Variants in BICDL2 observed in about 807,000 individuals in gnomAD.
BICDL2 encodes BICD family like cargo adaptor 2, also known as BICD family-like cargo adapter 2.
In BICDL2, 62 loss-of-function variants were observed where a neutral mutation model predicts 56.6. The ratio of observed to expected loss-of-function variants is 1.10; its 90% CI spans 0.89 to 1.35. The LOEUF is 1.35. Among genes scored for constraint, BICDL2 ranks in the 40% most tolerant of loss-of-function variants. The pLI is 0.00. For missense variants in BICDL2, 808 were observed against 684.5 expected, an observed-to-expected ratio of 1.18 and a Z score of -2.01; for synonymous variants, 358 against 319.8, an observed-to-expected ratio of 1.12 and a Z score of -1.27.
In BICDL2 at chr16:3,028,397, C is replaced by T. The variant is rs1486113118; in HGVS notation, c.1310G>A (p.Arg437His). 2 of 1,552,508 alleles carry T rather than the reference C, an allele frequency of 1.3e-6. No homozygotes were observed. The highest frequency in any genetic ancestry group is 1.9e-5 in the Admixed American group (1 of 52,830). The change falls in exon 9 of 10, where the codon CGC becomes CAC. Residue 437 changes from arginine to histidine, a missense_variant. Physicochemically the swap from Arg to His is conservative, Grantham distance 29. Coordinates refer to ENST00000572449, the MANE Select transcript of BICDL2 (RefSeq NM_001369667.1). ...ERDSLSRELL[R>H]AIRQKVALTQ... Reference sequence around the variant, plus strand: ...GAGCGCCACCTTCTGGCGGATGGCGCGCAGCAGCTCCCGAGACAGGGAGTC... The same window carrying T: ...GAGCGCCACCTTCTGGCGGATGGCGTGCAGCAGCTCCCGAGACAGGGAGTC...
rs1567419279 is a variant in BICDL2 at position 3,028,370 on chromosome 16, G to GTGA, written c.1334_1336dup (p.Leu445_Thr446insIle). 6.4e-7 allele frequency: 1 copy of GTGA among 1,550,660 alleles called. No individual in the cohort carries two copies. The highest frequency in any genetic ancestry group is 8.6e-7 in the Non-Finnish European group (1 of 1,156,180). The stretch of plus-strand genomic sequence containing the variant: ...CACCTGCCAGGCCTCCAGCTCCTGC[G>GTGA]TGAGCGCCACCTTCTGGCGGATGGC... On this transcript the variant is annotated inframe_insertion, in exon 9 of 10. Coordinates refer to ENST00000572449, the MANE Select transcript of BICDL2 (RefSeq NM_001369667.1).
At chr16:3,034,119 A>G (rs954865265) in intron 2 of BICDL2, among the ~76,000 whole-genome samples, 1 of 152,306 alleles carries the variant, frequency 6.6e-6, no homozygotes, top group East Asian at 1.9e-4. Flanking sequence ...GCAAGAATCA[A>G]TGGAGAGTCA....
chr16:3,031,385 G>T (rs1026940847), intron 2 of BICDL2: 3 of 573,790 alleles, frequency 5.2e-6, no homozygotes, highest in African/African-American at 1.9e-5. Context: ...GGGTTGGGGT[G>T]GGGGGATCTC....
intron 5 of BICDL2, chr16:3,030,159 C>T: frequency 2.0e-6 from 1 of 489,740 alleles, no homozygotes; most frequent in Non-Finnish European, 3.6e-6. Context: ...ATTTCTTTTT[C>T]TCCGTCTCCA....
intron 1 of BICDL2, chr16:3,036,024 C>T: frequency 3.1e-6 from 1 of 324,712 alleles, no homozygotes; most frequent in Non-Finnish European, 6.0e-6. Context: ...AAGCCCAGAT[C>T]CCAGCCCCTG....
chr16:3,032,846 G>C (rs935951412), intron 2 of BICDL2: 2 of 152,202 alleles, frequency 1.3e-5, no homozygotes, highest in African/African-American at 2.4e-5. Flanking sequence ...GCTGTGATGA[G>C]GTCGGGGAGG....
Position 3,031,087 on chromosome 16 carries a change from C to A in BICDL2, c.346G>T (p.Ala116Ser), listed in dbSNP as rs1044846224. ...GLAARGAEWE[A>S]RAVELEGDVE... ...TCCCCCTCCAGCTCCACGGCCCGGG[C>A]CTCCCACTCGGCTCCTCGGGCTGCC... Residue 116 changes from alanine (A) to serine (S), a missense_variant, in exon 3 of 10, where the codon GCC becomes TCC. By Grantham distance (99) the Ala-to-Ser change is moderately conservative. Transcript: ENST00000572449. The A allele has an allele frequency of 1.3e-6, 2 of 1,536,712 alleles. No individual in the cohort carries two copies. The highest frequency in any genetic ancestry group is 2.7e-5 in the African/African-American group (2 of 73,168).
intron 5 of BICDL2, 147 bp downstream of exon 5, chr16:3,030,300 GCT>G: frequency 1.0e-6 from 1 of 964,062 alleles, no homozygotes. Context: ...GCCTTCCGTG[GCT>G]CCCATTTGCC....
At chr16:3,029,821 G>T in intron 5 of BICDL2, 82 bp from the exon 6 acceptor site, 1 of 1,251,074 alleles carries the variant, frequency 8.0e-7, no homozygotes, top group Non-Finnish European at 1.1e-6. Flanking sequence ...GTCCACACGG[G>T]GGTGCCGCGG....
chr16:3,030,336 G>C lies in BICDL2; in HGVS notation c.762+113C>G, dbSNP rs962472195. ...CCCATGGGCTAATGCCCATGCTCTTGTGGGCCAGCCTCTGGGCCTCCCAGT... is the reference window on the plus strand; with the variant it reads ...CCCATGGGCTAATGCCCATGCTCTTCTGGGCCAGCCTCTGGGCCTCCCAGT... On this transcript the variant is annotated intron_variant, in intron 5 of 9. Coordinates refer to ENST00000572449, the MANE Select transcript of BICDL2 (RefSeq NM_001369667.1). 5.1e-6 allele frequency: 7 copies of C among 1,363,526 alleles called. 1 individual carries two copies. Among genetic ancestry groups the C allele is most frequent in the African/African-American group, 4.3e-5 (3 of 69,228 alleles). The allele number at this position is 1,363,526 out of a possible 1,614,324, so 84.5% of individuals were successfully genotyped here.
chr16:3,029,609 T>TAAA lies in BICDL2; in HGVS notation c.892_893insTTT (p.Glu298delinsValTer). ...GCCGTCGTCGAGGCTGTGGGCCAGTTCTGACTGCAACGAGGCAGCCGACAC... is the reference window on the plus strand; with the variant it reads ...GCCGTCGTCGAGGCTGTGGGCCAGTTAAACTGACTGCAACGAGGCAGCCGACAC... On this transcript the variant is annotated stop_gained and protein_altering_variant, in exon 6 of 10. Coordinates refer to ENST00000572449, the MANE Select transcript of BICDL2 (RefSeq NM_001369667.1). LOFTEE classifies it high-confidence loss of function. 1 of 1,541,258 alleles carries TAAA rather than the reference T, an allele frequency of 6.5e-7. No individual in the cohort carries two copies. The highest frequency in any genetic ancestry group is 1.2e-5 in the South Asian group (1 of 84,168).
Position 3,030,679 on chromosome 16 carries a change from C to T in BICDL2, c.615+17G>A, listed in dbSNP as rs748090080. 3 of 1,605,824 alleles carry T rather than the reference C, an allele frequency of 1.9e-6. No homozygotes were observed. The highest frequency in any genetic ancestry group is 1.7e-6 in the Non-Finnish European group (2 of 1,177,428). On this transcript the variant is annotated intron_variant, in intron 4 of 9. Transcript: ENST00000572449. ...TTTTTTGGCTCAGATAATCCCCCAG[C>T]CCCAGCTGACACTCACTTCCCCCTG...
chr16:3,028,391 A>C lies in BICDL2; in HGVS notation c.1316T>G (p.Ile439Ser), dbSNP rs767383603. ...DSLSRELLRA[I>S]RQKVALTQEL... ...CTGCGTGAGCGCCACCTTCTGGCGG[A>C]TGGCGCGCAGCAGCTCCCGAGACAG... is the stretch of plus-strand genomic sequence containing the variant. Residue 439 changes from isoleucine (I) to serine (S), a missense_variant, in exon 9 of 10, where the codon ATC becomes AGC. Transcript: ENST00000572449. 11 of 1,551,820 alleles carry C rather than the reference A, an allele frequency of 7.1e-6. No homozygotes were observed. The highest frequency in any genetic ancestry group is 9.5e-6 in the Non-Finnish European group (11 of 1,157,028).
At chr16:3,034,332 G>T (rs1955698475) in intron 2 of BICDL2, among the ~76,000 whole-genome samples, 1 of 152,218 alleles carries the variant, frequency 6.6e-6, no homozygotes, top group Non-Finnish European at 1.5e-5. Context: ...AGGCTGGAGT[G>T]CAGTGGCATG....
At chr16:3,031,490 G>A (rs947119443) in intron 2 of BICDL2, 17 of 514,312 alleles carry the variant, frequency 3.3e-5, no homozygotes, top group African/African-American at 1.2e-4. Flanking sequence ...TTCAAGCCCC[G>A]GCCCATGGCA....
At position 3,029,341 on chromosome 16, in the gene BICDL2, G is replaced by A; in HGVS notation, c.1046C>T (p.Ser349Phe). ...EILEPPKKRT[S>F]LSPAEILEEK... ...CTCCAGTATCTCCGCTGGACTGAGG[G>A]ATGTTCGCTTCTTGGGGGGCTCTAA... Residue 349 changes from serine (S) to phenylalanine (F), a missense_variant, in exon 7 of 10, where the codon TCC becomes TTC. By Grantham distance (155) the Ser-to-Phe change is radical. Coordinates refer to ENST00000572449, the MANE Select transcript of BICDL2 (RefSeq NM_001369667.1). The A allele has an allele frequency of 6.2e-7, 1 of 1,611,312 alleles. No individual in the cohort carries two copies.
intron 7 of BICDL2, 97 bp from the exon 8 acceptor site, chr16:3,028,927 G>A (rs1219405211): frequency 1.4e-6 from 2 of 1,424,696 alleles, no homozygotes; most frequent in Non-Finnish European, 1.9e-6. Context: ...CCCCTCCTCT[G>A]CCTGCGACAG....
In BICDL2 at chr16:3,031,010, G is replaced by A. The variant is rs1241416955; in HGVS notation, c.423C>T (p.Asp141=). 6.4e-7 allele frequency: 1 copy of A among 1,552,998 alleles called. No individual in the cohort carries two copies. The highest frequency in any genetic ancestry group is 8.7e-7 in the Non-Finnish European group (1 of 1,155,524). ...QLGEQRSEQQ[D]SGRERARALS... ...GGGCCCGTGCCCGTTCTCGCCCACT[G>A]TCCTGCTGCTCTGAGCGCTGCTCCC... Residue 141 remains aspartate, a synonymous_variant, in exon 3 of 10, where the codon GAC becomes GAT. Coordinates refer to ENST00000572449, the MANE Select transcript of BICDL2 (RefSeq NM_001369667.1).
At chr16:3,036,702 C>T (rs1242937168) in intron 1 of BICDL2, 192 bp downstream of exon 1, 3 of 448,056 alleles carry the variant, frequency 6.7e-6, no homozygotes, top group South Asian at 3.1e-5. Context: ...CCTCCAGCCC[C>T]AGGCGTCGGA....
Sources: gnomAD v4.1 joint callset for allele counts (sites outside exome capture counted in the v4.1 genomes callset) on GRCh38, gnomAD v4.1.1 for gene constraint, MANE v1.5 for transcripts, NCBI Gene and HGNC (gene_info 2026-07-23, HGNC 2026-07-21) for gene names.